TSNAXIP1: variants seen among roughly 807,000 people sequenced by gnomAD.
TSNAXIP1 encodes translin associated factor X interacting protein 1, also known as translin-associated factor X-interacting protein 1.
Under a neutral mutation model 84.8 loss-of-function variants are expected in TSNAXIP1, and 89 were observed. The observed-to-expected ratio is 1.05, with a 90% CI of 0.88 to 1.25. The LOEUF (loss-of-function observed/expected upper bound fraction) is 1.25. Ranked by LOEUF, TSNAXIP1 falls within the 50% of genes most tolerant of loss-of-function variation. TSNAXIP1 has a pLI of 0.00. For missense variants in TSNAXIP1, 874 were observed against 887.6 expected, an observed-to-expected ratio of 0.98 and a Z score of 0.20; for synonymous variants, 347 against 335.2, an observed-to-expected ratio of 1.04 and a Z score of -0.39.
rs142018352 is a variant in TSNAXIP1 at position 67,826,545 on chromosome 16, C to T, written c.1384C>T (p.Arg462Cys). Residue 462 changes from arginine to cysteine, a missense_variant, in exon 11 of 16, where the codon CGT becomes TGT. By Grantham distance (180) the Arg-to-Cys change is radical (BLOSUM62 -3). Transcript: ENST00000561639. ...CCTCCTCAAGGATGCCTGGAAGGAA[C>T]GTCTTGCTGAGGAGCAGGTCAGATC... ...VNLLKDAWKERLAEEQKETFP... is the reference protein window; with the variant it reads ...VNLLKDAWKECLAEEQKETFP... 3.4e-4 allele frequency: 543 copies of T among 1,614,128 alleles called. No homozygotes were observed. Among genetic ancestry groups the T allele is most frequent in the Non-Finnish European group, 3.2e-4 (382 of 1,180,024 alleles).
intron 1 of TSNAXIP1, among the ~76,000 whole-genome samples, chr16:67,809,323 C>G (rs1366868810): frequency 1.3e-5 from 2 of 148,734 alleles, no homozygotes; most frequent in African/African-American, 5.0e-5. Flanking sequence ...CAAAAATTAG[C>G]CAGGTGTGGT....
At chr16:67,821,782 G>A (rs1250012451) in intron 4 of TSNAXIP1, among the ~76,000 whole-genome samples, 1 of 152,026 alleles carries the variant, frequency 6.6e-6, no homozygotes, top group Non-Finnish European at 1.5e-5. Context: ...TTGAGGTCAG[G>A]AGTTCAAGAC....
At chr16:67,824,557 C>T (rs1432851205) in intron 5 of TSNAXIP1, 26 bp from the exon 6 acceptor site, 1 of 1,608,254 alleles carries the variant, frequency 6.2e-7, no homozygotes, top group Non-Finnish European at 8.5e-7. Context: ...GGCCCCAAAG[C>T]AGCTCTCCCA....
At chr16:67,814,482 C>G in intron 2 of TSNAXIP1, 81 bp downstream of exon 2, 1 of 1,163,432 alleles carries the variant, frequency 8.6e-7, no homozygotes, top group Non-Finnish European at 1.2e-6. Context: ...CCAAGAGTAC[C>G]ACCCACCTGA....
At position 67,826,009 on chromosome 16, in the gene TSNAXIP1, ATTC is replaced by A. The variant is rs761409135; in HGVS notation, c.1082_1084del (p.Phe361del). 38 of 1,613,914 alleles carry A rather than the reference ATTC, an allele frequency of 2.4e-5. 1 individual carries two copies. The East Asian group carries it at 7.6e-4, about 32-fold the overall frequency. On this transcript the variant is annotated inframe_deletion, in exon 9 of 16. Transcript: ENST00000561639. ...TGAGCACGCTGAAGGAACGGGACCA[ATTC>A]TTCTCTGAGCTGCAGGAGATCCAGC...
chr16:67,818,755 G>A (rs554740410), intron 2 of TSNAXIP1, among the ~76,000 whole-genome samples: 1 of 150,130 alleles, frequency 6.7e-6, no homozygotes, highest in South Asian at 2.1e-4. Context: ...CCAGACTGGA[G>A]TACAGTCGTG....
Position 67,811,273 on chromosome 16 carries a change from T to C in TSNAXIP1, c.48-3029T>C, listed in dbSNP as rs542192867. Among the ~76,000 whole-genome samples, 425 of 152,238 alleles carry C rather than the reference T, an allele frequency of 2.8e-3. 3 individuals carry two copies. The highest frequency in any genetic ancestry group is 9.2e-3 in the African/African-American group (383 of 41,550). ...GCCTTGTTTTAAGTCTGTTTTATAATGTTGTCTCCTTTGATATTCAAAACT... is the reference window on the plus strand; with the variant it reads ...GCCTTGTTTTAAGTCTGTTTTATAACGTTGTCTCCTTTGATATTCAAAACT... On this transcript the variant is annotated intron_variant, in intron 1 of 15. Transcript: ENST00000561639.
intron 1 of TSNAXIP1, among the ~76,000 whole-genome samples, chr16:67,809,186 A>T (rs141965235): frequency 8.5e-3 from 2 of 234 alleles, no homozygotes; most frequent in Non-Finnish European, 0.019. Flanking sequence ...AAAAAAAAAA[A>T]TGGCCGGGCG....
At chr16:67,825,294 G>C in intron 7 of TSNAXIP1, 22 bp downstream of exon 7, 1 of 1,613,244 alleles carries the variant, frequency 6.2e-7, no homozygotes. Context: ...TTGGGAATCG[G>C]GTTTCTCTCT....
chr16:67,827,167 G>A, intron 13 of TSNAXIP1, 82 bp from the exon 14 acceptor site: 3 of 1,606,196 alleles, frequency 1.9e-6, no homozygotes, highest in Non-Finnish European at 2.6e-6. Flanking sequence ...CACAGCCTCG[G>A]CACTCACTCC....
In TSNAXIP1 at chr16:67,821,230, G is replaced by T; in HGVS notation, c.387+5G>T. ...ACCCAGGAACTAAGGCTGCAGGTCA[G>T]AGCCACAGAAGAAACTTGGGGAGGG... On this transcript the variant is annotated splice_donor_5th_base_variant and intron_variant, in intron 4 of 15. Coordinates refer to ENST00000561639, the MANE Select transcript of TSNAXIP1 (RefSeq NM_001288990.3). 1 of 1,516,102 alleles carries T rather than the reference G, an allele frequency of 6.6e-7. No individual in the cohort carries two copies. Among genetic ancestry groups the T allele is most frequent in the Non-Finnish European group, 8.9e-7 (1 of 1,120,240 alleles). 93.9% of individuals were successfully genotyped at this position (1,516,102 alleles called of 1,614,324 possible).
rs1171840295 is a variant in TSNAXIP1 at position 67,826,557 on chromosome 16, G to A, written c.1396G>A (p.Glu466Lys). 2 of 1,614,144 alleles carry A rather than the reference G, an allele frequency of 1.2e-6. No homozygotes were observed. Among genetic ancestry groups the A allele is most frequent in the Non-Finnish European group, 8.5e-7 (1 of 1,180,006 alleles). ...KDAWKERLAE[E>K]QKETFPDFFF... ...TGCCTGGAAGGAACGTCTTGCTGAG[G>A]AGCAGGTCAGATCTCACCAGCCACT... The change falls in exon 11 of 16, where the codon GAG becomes AAG. Residue 466 changes from glutamate to lysine, a missense_variant. Transcript: ENST00000561639.
chr16:67,826,999 G>A lies in TSNAXIP1; in HGVS notation c.1591G>A (p.Val531Ile). 6.2e-7 allele frequency: 1 copy of A among 1,614,208 alleles called. No individual in the cohort carries two copies. The highest frequency in any genetic ancestry group is 8.5e-7 in the Non-Finnish European group (1 of 1,180,042). The stretch of plus-strand genomic sequence containing the variant: ...TGTGTATGTCACCCAGAAGGAGACA[G>A]TAGCCCAGCTGCTGAAGGAGATGAC... Reference protein sequence around the residue: ...ENVYVTQKETVAQLLKEMTNA... With the variant: ...ENVYVTQKETIAQLLKEMTNA... Residue 531 changes from valine (V) to isoleucine (I), a missense_variant, in exon 13 of 16, where the codon GTA becomes ATA. Val to Ile is a conservative substitution (Grantham distance 29). Transcript: ENST00000561639.
At position 67,827,523 on chromosome 16, in the gene TSNAXIP1, C is replaced by T. The variant is rs2151277390; in HGVS notation, c.1842C>T (p.Tyr614=). Residue 614 remains tyrosine, a synonymous_variant, in exon 15 of 16, where the codon TAC becomes TAT. Coordinates refer to ENST00000561639, the MANE Select transcript of TSNAXIP1 (RefSeq NM_001288990.3). The part of the protein sequence containing the change: ...EPFVQKLWEQ[Y]MDEKDEYLQQ... Reference sequence around the variant, plus strand: ...TTGTGCAAAAACTCTGGGAACAATACATGGATGAGAAGGACGAGTACTTAC... The same window carrying T: ...TTGTGCAAAAACTCTGGGAACAATATATGGATGAGAAGGACGAGTACTTAC... 1 of 1,614,182 alleles carries T rather than the reference C, an allele frequency of 6.2e-7. No homozygotes were observed.
chr16:67,821,284 TA>T, intron 4 of TSNAXIP1, 59 bp downstream of exon 4: 1 of 1,578,498 alleles, frequency 6.3e-7, no homozygotes, highest in Non-Finnish European at 8.6e-7. Context: ...AAGCTTCACC[TA>T]CCGGCCGGGC....
At chr16:67,822,978 G>T (rs1218539617) in intron 4 of TSNAXIP1, among the ~76,000 whole-genome samples, 2 of 152,176 alleles carry the variant, frequency 1.3e-5, no homozygotes, top group Non-Finnish European at 2.9e-5. Flanking sequence ...GCTCTAAGAT[G>T]GGGAGAGGTT....
intron 2 of TSNAXIP1, among the ~76,000 whole-genome samples, chr16:67,815,595 GCT>G (rs1451702958): frequency 1.3e-5 from 2 of 152,076 alleles, no homozygotes; most frequent in South Asian, 4.1e-4. Context: ...CACCTCCCAT[GCT>G]GAACCAATCC....
chr16:67,820,999 T>C (rs747856541), intron 3 of TSNAXIP1, 48 bp downstream of exon 3: 1 of 1,589,744 alleles, frequency 6.3e-7, no homozygotes, highest in South Asian at 1.1e-5. Flanking sequence ...TGGGCCAGGC[T>C]TTGGGCCAGG....
chr16:67,815,122 C>T (rs1037185125), intron 2 of TSNAXIP1, among the ~76,000 whole-genome samples: 2 of 151,866 alleles, frequency 1.3e-5, no homozygotes, highest in Admixed American at 1.3e-4. Flanking sequence ...GTTTGACCAG[C>T]TTGGCCAACA....
Sources: allele counts gnomAD v4.1 joint callset (sites outside exome capture counted in the v4.1 genomes callset), GRCh38; gene constraint gnomAD v4.1.1; transcripts MANE v1.5; gene names NCBI Gene and HGNC (gene_info 2026-07-23, HGNC 2026-07-21).